UBE2E2: variants seen among roughly 807,000 people sequenced by gnomAD.
UBE2E2 encodes ubiquitin conjugating enzyme E2 E2.
Under a neutral mutation model 24.7 loss-of-function variants are expected in UBE2E2, and 6 were observed. The ratio of observed to expected loss-of-function variants is 0.24; its 90% CI spans 0.13 to 0.48. The LOEUF (loss-of-function observed/expected upper bound fraction) is 0.48. UBE2E2 is among the 20% of genes least tolerant of loss of function. The pLI, the probability that UBE2E2 is intolerant of heterozygous loss-of-function variation, is 0.99. For synonymous variants in UBE2E2, 104 were observed against 83.6 expected, an observed-to-expected ratio of 1.24 and a Z score of -1.33; for missense variants, 169 against 245.0, an observed-to-expected ratio of 0.69 and a Z score of 2.07.
At chr3:23,388,090 C>T (rs1031060316) in intron 3 of UBE2E2, among the ~76,000 whole-genome samples, 8 of 152,116 alleles carry the variant, frequency 5.3e-5, no homozygotes, top group African/African-American at 1.7e-4. Flanking sequence ...TGATAATTCT[C>T]AGCTACCTAA....
chr3:23,459,619 T>G (rs1698763735), intron 3 of UBE2E2, among the ~76,000 whole-genome samples: 1 of 152,186 alleles, frequency 6.6e-6, no homozygotes, highest in African/African-American at 2.4e-5. Flanking sequence ...CTCCAGGACC[T>G]CTGTAATAAC....
In UBE2E2 at chr3:23,273,001, G is replaced by A. The variant is rs376862024; in HGVS notation, c.227+55689G>A. Among the ~76,000 whole-genome samples the A allele has an allele frequency of 5.3e-5, 8 of 152,112 alleles. No homozygotes were observed. In the East Asian group the frequency reaches 7.7e-4, roughly 15 times the overall value. Reference sequence around the variant, plus strand: ...GGCCATCAACTGATTGGATAAGGGCGACTCACATTAGGGAGGGCAATTTGC... The same window carrying A: ...GGCCATCAACTGATTGGATAAGGGCAACTCACATTAGGGAGGGCAATTTGC... On this transcript the variant is annotated intron_variant, in intron 3 of 5. Transcript: ENST00000396703.
chr3:23,385,714 T>C (rs182898497), intron 3 of UBE2E2, among the ~76,000 whole-genome samples: 3 of 152,324 alleles, frequency 2.0e-5, no homozygotes, highest in Admixed American at 1.3e-4. Context: ...GAATGCAAGA[T>C]TGTGTGGTAG....
chr3:23,214,197 A>T lies in UBE2E2; in HGVS notation c.177-3065A>T, dbSNP rs148708110. Among the ~76,000 whole-genome samples the T allele has an allele frequency of 8.5e-5, 13 of 152,280 alleles. No homozygotes were observed. In the East Asian group the frequency reaches 2.5e-3, roughly 29 times the overall value. On this transcript the variant is annotated intron_variant, in intron 2 of 5. Coordinates refer to ENST00000396703, the MANE Select transcript of UBE2E2 (RefSeq NM_152653.4). ...TTGTATTGAATAATATAGACCTAGAATTATAGGGATCTGGAGTTCAAATTT... is the reference window on the plus strand; with the variant it reads ...TTGTATTGAATAATATAGACCTAGATTTATAGGGATCTGGAGTTCAAATTT...
At chr3:23,246,387 A>AT (rs35802594) in intron 3 of UBE2E2, among the ~76,000 whole-genome samples, 10,271 of 122,386 alleles carry the variant, frequency 0.084, 591 homozygotes, top group Non-Finnish European at 0.11. Flanking sequence ...TGCCTGGCTA[A>AT]TTTTTTTTTT....
At chr3:23,344,699 AT>A (rs554232828) in intron 3 of UBE2E2, among the ~76,000 whole-genome samples, 4 of 151,570 alleles carry the variant, frequency 2.6e-5, no homozygotes, top group Non-Finnish European at 5.9e-5. Context: ...TTCAAAAAAA[AT>A]AATATATATA....
At chr3:23,499,830 A>C in intron 4 of UBE2E2, 90 bp downstream of exon 4, 1 of 1,418,350 alleles carries the variant, frequency 7.1e-7, no homozygotes, top group Non-Finnish European at 9.4e-7. Flanking sequence ...CTAGGGATGC[A>C]TGTCTATTCT....
At chr3:23,241,031 T>C (rs1697246201) in intron 3 of UBE2E2, among the ~76,000 whole-genome samples, 1 of 152,244 alleles carries the variant, frequency 6.6e-6, no homozygotes, top group South Asian at 2.1e-4. Flanking sequence ...CATTGCCCCA[T>C]ATGAATATTT....
chr3:23,554,615 A>G (rs1695730136), intron 5 of UBE2E2, among the ~76,000 whole-genome samples: 1 of 152,212 alleles, frequency 6.6e-6, no homozygotes, highest in South Asian at 2.1e-4. Context: ...CTGAAGCCAT[A>G]AAACTCCTCG....
At chr3:23,435,376 A>T (rs1326849320) in intron 3 of UBE2E2, among the ~76,000 whole-genome samples, 1 of 152,194 alleles carries the variant, frequency 6.6e-6, no homozygotes, top group Non-Finnish European at 1.5e-5. Flanking sequence ...GATAAAAGTT[A>T]AGTTACTTGG....
At chr3:23,244,135 G>GA (rs11381346) in intron 3 of UBE2E2, among the ~76,000 whole-genome samples, 146,390 of 147,082 alleles carry the variant, frequency 1, 72,851 homozygotes, top group East Asian at 1. Flanking sequence ...ATTTCATTTG[G>GA]AAAAAAAAAA....
At chr3:23,533,430 C>T (rs974430285) in intron 5 of UBE2E2, among the ~76,000 whole-genome samples, 1 of 151,888 alleles carries the variant, frequency 6.6e-6, no homozygotes, top group Non-Finnish European at 1.5e-5. Context: ...ATGAGATTCC[C>T]TCTTCTACAA....
chr3:23,268,564 A>T (rs1413939510), intron 3 of UBE2E2, among the ~76,000 whole-genome samples: 1 of 147,198 alleles, frequency 6.8e-6, no homozygotes, highest in Non-Finnish European at 1.5e-5. Flanking sequence ...GATACAAAGA[A>T]ATGGAAGAAC....
intron 5 of UBE2E2, among the ~76,000 whole-genome samples, chr3:23,539,374 A>G (rs1695336519): frequency 1.3e-5 from 2 of 152,198 alleles, no homozygotes; most frequent in South Asian, 4.1e-4. Context: ...TGATTCTTTT[A>G]AAGATGGTTA....
intron 3 of UBE2E2, among the ~76,000 whole-genome samples, chr3:23,305,317 G>A (rs375332670): frequency 1.4e-4 from 22 of 152,336 alleles, no homozygotes; most frequent in South Asian, 2.1e-4. Context: ...GACAGCCATC[G>A]TATTTAGGTA....
At chr3:23,460,271 C>A (rs1471406594) in intron 3 of UBE2E2, among the ~76,000 whole-genome samples, 2 of 152,146 alleles carry the variant, frequency 1.3e-5, no homozygotes, top group Admixed American at 6.5e-5. Flanking sequence ...ATTCAGAAGA[C>A]CTCATTCACA....
At chr3:23,300,652 A>C (rs542227161) in intron 3 of UBE2E2, among the ~76,000 whole-genome samples, 4 of 152,068 alleles carry the variant, frequency 2.6e-5, no homozygotes, top group Non-Finnish European at 4.4e-5. Flanking sequence ...CCGAGAGATC[A>C]GCTGTTAGTC....
intron 3 of UBE2E2, among the ~76,000 whole-genome samples, chr3:23,354,413 A>G (rs1695871818): frequency 6.6e-6 from 1 of 152,260 alleles, no homozygotes. Context: ...GCTTCTGCAC[A>G]GCAAAAGAAA....
At chr3:23,270,098 G>A (rs1698191849) in intron 3 of UBE2E2, among the ~76,000 whole-genome samples, 1 of 150,818 alleles carries the variant, frequency 6.6e-6, no homozygotes, top group African/African-American at 2.4e-5. Context: ...AGCTAGGCAG[G>A]TCCCTGCCTC....
Sources: allele counts gnomAD v4.1 joint callset (sites outside exome capture counted in the v4.1 genomes callset), GRCh38; gene constraint gnomAD v4.1.1; transcripts MANE v1.5; gene names NCBI Gene and HGNC (gene_info 2026-07-23, HGNC 2026-07-21).